The following GALNT1 variants were observed in gnomAD, a reference collection of about 807,000 sequenced individuals.
GALNT1 encodes the protein GalNAc transferase 1.
GALNT1 carries 17 observed loss-of-function variants against 65.7 expected under a neutral mutation model. That is an observed-to-expected ratio of 0.26 (90% CI 0.18 to 0.39). GALNT1 has a LOEUF of 0.39. Among genes scored for constraint, GALNT1 ranks in the 10% least tolerant of loss-of-function variants. The pLI, the probability that GALNT1 is intolerant of heterozygous loss-of-function variation, is 1.00. For missense variants in GALNT1, 460 were observed against 672.8 expected (o/e 0.68, Z 3.50); for synonymous variants, 210 against 219.7 (o/e 0.96, Z 0.39).
At chr18:35,623,834 G>A (rs1304065227) in intron 1 of GALNT1, among the ~76,000 whole-genome samples, 2 of 152,136 alleles carry the variant, frequency 1.3e-5, no homozygotes, top group African/African-American at 4.8e-5. Context: ...CATATTTATA[G>A]TAGGTACGTT....
intron 1 of GALNT1, among the ~76,000 whole-genome samples, chr18:35,631,840 A>G (rs1239457631): frequency 6.6e-6 from 1 of 152,240 alleles, no homozygotes; most frequent in Non-Finnish European, 1.5e-5. Flanking sequence ...CCTTAAGCTC[A>G]TAGGCAACTT....
intron 1 of GALNT1, chr18:35,596,304 G>GTAA (rs1283775173): frequency 6.6e-6 from 1 of 152,174 alleles, no homozygotes; most frequent in Non-Finnish European, 1.5e-5. Context: ...GGAGGCTATG[G>GTAA]TAATAATAAT....
intron 11 of GALNT1, among the ~76,000 whole-genome samples, chr18:35,707,385 A>G (rs982086072): frequency 3.3e-5 from 5 of 152,094 alleles, no homozygotes; most frequent in African/African-American, 7.2e-5. Context: ...CTCTGAATGG[A>G]GACTAGTTGG....
chr18:35,663,722 G>A lies in GALNT1; in HGVS notation c.234G>A (p.Met78Ile). The change falls in exon 3 of 12, where the codon ATG (methionine) becomes ATA (isoleucine). Residue 78 changes from methionine to isoleucine, a missense_variant. By Grantham distance (10) the Met-to-Ile change is conservative (BLOSUM62 1). Coordinates refer to ENST00000269195, the MANE Select transcript of GALNT1 (RefSeq NM_020474.4). The stretch of plus-strand genomic sequence containing the variant: ...AGGATCAAGAAAAGATGAAAGAGAT[G>A]TTTAAAATCAATCAGTTCAATTTAA... The part of the protein sequence containing the change: ...PKEDQEKMKE[M>I]FKINQFNLMA... 1 of 1,613,932 alleles carries A rather than the reference G, an allele frequency of 6.2e-7. No homozygotes were observed. The highest frequency in any genetic ancestry group is 8.5e-7 in the Non-Finnish European group (1 of 1,179,896).
chr18:35,611,457 G>A (rs1168377024), intron 1 of GALNT1, among the ~76,000 whole-genome samples: 1 of 152,108 alleles, frequency 6.6e-6, no homozygotes, highest in South Asian at 2.1e-4. Context: ...AAGAAAATTT[G>A]CTATAATTTG....
Position 35,665,985 on chromosome 18 carries a change from G to A in GALNT1, c.314+2183G>A, listed in dbSNP as rs192179155. Among the ~76,000 whole-genome samples the A allele has an allele frequency of 4.8e-3, 733 of 152,320 alleles. 32 individuals carry two copies. Among genetic ancestry groups the A allele is most frequent in the Admixed American group, 0.047 (722 of 15,288 alleles). On this transcript the variant is annotated intron_variant, in intron 3 of 11. Coordinates refer to ENST00000269195, the MANE Select transcript of GALNT1 (RefSeq NM_020474.4). ...AGAAGGTGATGAAGGGAGAGCCTGAGTGAGAGTTGCACAGGCAGAGGCGAC... is the reference window on the plus strand; with the variant it reads ...AGAAGGTGATGAAGGGAGAGCCTGAATGAGAGTTGCACAGGCAGAGGCGAC...
At chr18:35,627,588 G>C (rs937646749) in intron 1 of GALNT1, 2 of 152,070 alleles carry the variant, frequency 1.3e-5, no homozygotes, top group South Asian at 2.1e-4. Context: ...ATGTTGATTG[G>C]GGGGGCGGTT....
intron 1 of GALNT1, among the ~76,000 whole-genome samples, chr18:35,632,629 C>T (rs569145022): frequency 6.6e-6 from 1 of 152,300 alleles, no homozygotes; most frequent in African/African-American, 2.4e-5. Flanking sequence ...CCATTCAGGA[C>T]ATAGGCATGG....
intron 6 of GALNT1, among the ~76,000 whole-genome samples, chr18:35,687,692 CATTT>C (rs1598806330): frequency 6.6e-6 from 1 of 151,728 alleles, no homozygotes; most frequent in South Asian, 2.1e-4. Flanking sequence ...TTCATTAATC[CATTT>C]ATTCTCTGAT....
chr18:35,668,619 A>C (rs972654739), intron 3 of GALNT1, among the ~76,000 whole-genome samples: 8 of 152,150 alleles, frequency 5.3e-5, no homozygotes, highest in Non-Finnish European at 1.2e-4. Context: ...GTCCGGTGGC[A>C]GGGGAGAAAT....
chr18:35,662,957 G>C (rs997562155), intron 2 of GALNT1, among the ~76,000 whole-genome samples: 1 of 152,120 alleles, frequency 6.6e-6, no homozygotes, highest in Non-Finnish European at 1.5e-5. Flanking sequence ...AGACAGGTTT[G>C]ACAATCATTA....
chr18:35,684,837 A>G (rs570530861), intron 5 of GALNT1, among the ~76,000 whole-genome samples: 1 of 152,360 alleles, frequency 6.6e-6, no homozygotes, highest in East Asian at 1.9e-4. Flanking sequence ...TTCTGCCTTG[A>G]GAGACAAATA....
chr18:35,640,917 A>T (rs943898856), intron 1 of GALNT1, among the ~76,000 whole-genome samples: 1 of 152,216 alleles, frequency 6.6e-6, no homozygotes, highest in African/African-American at 2.4e-5. Flanking sequence ...ACATTTTTAG[A>T]TATTAAAACA....
At chr18:35,640,304 A>G (rs749573368) in intron 1 of GALNT1, among the ~76,000 whole-genome samples, 1 of 152,212 alleles carries the variant, frequency 6.6e-6, no homozygotes, top group South Asian at 2.1e-4. Flanking sequence ...AAAATCAACA[A>G]ATAAAAATAC....
intron 1 of GALNT1, among the ~76,000 whole-genome samples, chr18:35,623,027 A>G (rs1598786452): frequency 6.6e-6 from 1 of 152,142 alleles, no homozygotes; most frequent in Non-Finnish European, 1.5e-5. Flanking sequence ...TCACATCTTC[A>G]TATTAATAAG....
At chr18:35,691,600 G>A (rs1467622983) in intron 8 of GALNT1, among the ~76,000 whole-genome samples, 1 of 152,104 alleles carries the variant, frequency 6.6e-6, no homozygotes, top group Admixed American at 6.6e-5. Context: ...GGTCATGAAC[G>A]TTCTCTATAA....
chr18:35,592,820 T>C (rs2046460638), intron 1 of GALNT1, among the ~76,000 whole-genome samples: 1 of 152,156 alleles, frequency 6.6e-6, no homozygotes, highest in African/African-American at 2.4e-5. Context: ...GCCTTCACCT[T>C]AGTACCTTTG....
chr18:35,640,396 G>A (rs1445634853), intron 1 of GALNT1, among the ~76,000 whole-genome samples: 1 of 152,132 alleles, frequency 6.6e-6, no homozygotes, highest in Non-Finnish European at 1.5e-5. Context: ...TAACAAAATT[G>A]TGTTAAACCT....
chr18:35,662,361 A>T (rs2047489388), intron 2 of GALNT1, among the ~76,000 whole-genome samples: 1 of 152,234 alleles, frequency 6.6e-6, no homozygotes, highest in African/African-American at 2.4e-5. Flanking sequence ...ATCCCAATTT[A>T]TCCTGAGAAC....
Sources: allele counts gnomAD v4.1 joint callset (sites outside exome capture counted in the v4.1 genomes callset), GRCh38; gene constraint gnomAD v4.1.1; transcripts MANE v1.5; gene names NCBI Gene and HGNC (gene_info 2026-07-23, HGNC 2026-07-21).